Variants in ARHGEF3 observed in about 807,000 individuals in gnomAD.
ARHGEF3 encodes Rho guanine nucleotide exchange factor 3, also known as 59.8 kDA protein.
Under a neutral mutation model 63.2 loss-of-function variants are expected in ARHGEF3, and 28 were observed. The ratio of observed to expected loss-of-function variants is 0.44; its 90% confidence interval spans 0.33 to 0.61. The LOEUF (loss-of-function observed/expected upper bound fraction) is 0.61. ARHGEF3 is among the 20% of genes least tolerant of loss of function. ARHGEF3 has a pLI of 0.03. For missense variants in ARHGEF3, 533 were observed against 659.3 expected (o/e 0.81, Z 2.10); for synonymous variants, 266 against 254.2 (o/e 1.05, Z -0.44).
chr3:56,967,209 C>A (rs1323038233), intron 2 of ARHGEF3, among the ~76,000 whole-genome samples: 1 of 138,582 alleles, frequency 7.2e-6, no homozygotes, highest in African/African-American at 2.7e-5. Context: ...ATCATGTGAA[C>A]CACATATGTA....
intron 4 of ARHGEF3, among the ~76,000 whole-genome samples, chr3:56,825,951 CTTCCTTCTAGTAACTGGTTCAG>C (rs1418348715): frequency 2.0e-5 from 3 of 152,182 alleles, no homozygotes; most frequent in Admixed American, 6.6e-5. Context: ...ATCAGCAACC[CTTCCTTCTAGTAACTGGTTCAG>C]TTCCTTCTAG....
chr3:57,002,479 T>TTCTAAGCAC (rs1702250705), intron 2 of ARHGEF3, among the ~76,000 whole-genome samples: 2 of 39,466 alleles, frequency 5.1e-5, no homozygotes, highest in South Asian at 1.6e-3. Flanking sequence ...TATATATATG[T>TTCTAAGCAC]TATATATATA....
At chr3:56,872,801 C>A (rs1369491596) in intron 4 of ARHGEF3, among the ~76,000 whole-genome samples, 1 of 152,184 alleles carries the variant, frequency 6.6e-6, no homozygotes, top group East Asian at 1.9e-4. Flanking sequence ...AGCCACTGTG[C>A]CTGGCCTCAT....
intron 2 of ARHGEF3, among the ~76,000 whole-genome samples, chr3:57,033,113 G>A (rs1283113320): frequency 1.3e-5 from 2 of 152,176 alleles, no homozygotes; most frequent in African/African-American, 4.8e-5. Context: ...AAGATCTGAG[G>A]CATGGCAAGA....
In ARHGEF3 at chr3:56,751,285, G is replaced by T. The variant is rs947466292; in HGVS notation, c.535+15C>A. On this transcript the variant is annotated intron_variant, in intron 5 of 9. Transcript: ENST00000296315. ...AGGCTACAAGTCACGACTCATCCTG[G>T]GAACAAAATTATACCTTCATGTAGA... 1 of 1,602,322 alleles carries T rather than the reference G, an allele frequency of 6.2e-7. No individual in the cohort carries two copies. Among genetic ancestry groups the T allele is most frequent in the Non-Finnish European group, 8.6e-7 (1 of 1,169,444 alleles).
intron 4 of ARHGEF3, among the ~76,000 whole-genome samples, chr3:56,831,636 T>C (rs1040060345): frequency 3.9e-5 from 6 of 152,252 alleles, no homozygotes; most frequent in Non-Finnish European, 8.8e-5. Context: ...GCATCTACAC[T>C]AGACCACTGG....
chr3:56,896,200 G>A (rs1448943717), intron 3 of ARHGEF3, among the ~76,000 whole-genome samples: 1 of 152,200 alleles, frequency 6.6e-6, no homozygotes, highest in Non-Finnish European at 1.5e-5. Context: ...TAGAAGGTTT[G>A]CAAGTCCAGA....
intron 1 of ARHGEF3, chr3:57,074,441 A>G (rs1560181130): frequency 6.5e-6 from 4 of 616,254 alleles, no homozygotes; most frequent in South Asian, 4.1e-5. Context: ...CACTTCCCCA[A>G]TATCACAGAT....
intron 4 of ARHGEF3, among the ~76,000 whole-genome samples, chr3:56,881,308 C>G (rs555308860): frequency 2.0e-5 from 3 of 152,276 alleles, no homozygotes; most frequent in Admixed American, 6.5e-5. Context: ...TTCATGGTCT[C>G]CACAGAGGAG....
intron 6 of ARHGEF3, among the ~76,000 whole-genome samples, chr3:56,747,440 G>C (rs144002686): frequency 0.01 from 1,547 of 152,250 alleles, 102 homozygotes; most frequent in Admixed American, 0.092. Flanking sequence ...TCACCGGCTA[G>C]GAGAGGCCCC....
At chr3:56,736,062 AC>A (rs1192376380) in intron 8 of ARHGEF3, among the ~76,000 whole-genome samples, 1 of 109,010 alleles carries the variant, frequency 9.2e-6, no homozygotes, top group Admixed American at 8.5e-5. Context: ...ACACACACAC[AC>A]ACACACACAC....
At chr3:56,833,914 GTT>G (rs199540364) in intron 4 of ARHGEF3, among the ~76,000 whole-genome samples, 3 of 125,130 alleles carry the variant, frequency 2.4e-5, no homozygotes, top group African/African-American at 8.9e-5. Context: ...AATATTCTTT[GTT>G]TTCCCCCCCC....
intron 3 of ARHGEF3, among the ~76,000 whole-genome samples, chr3:56,931,574 TCAAAAAAAAAAAA>T (rs2042412117): frequency 4.3e-5 from 1 of 23,326 alleles, no homozygotes; most frequent in African/African-American, 1.7e-4. Flanking sequence ...AGATCCTGTC[TCAAAAAAAAAAAA>T]AAAAAAAAAA....
intron 2 of ARHGEF3, chr3:57,007,287 AGTT>A (rs1398310079): frequency 7.8e-7 from 1 of 1,289,682 alleles, no homozygotes; most frequent in Non-Finnish European, 1.0e-6. Context: ...CTGAAAAACC[AGTT>A]GTTCCTGCCA....
chr3:56,853,926 T>C (rs1205501163), intron 4 of ARHGEF3, among the ~76,000 whole-genome samples: 1 of 152,174 alleles, frequency 6.6e-6, no homozygotes, highest in Non-Finnish European at 1.5e-5. Flanking sequence ...CCAGGCGTAG[T>C]GGCTCACGCC....
At chr3:56,936,372 C>G (rs1698904722) in intron 3 of ARHGEF3, among the ~76,000 whole-genome samples, 1 of 152,174 alleles carries the variant, frequency 6.6e-6, no homozygotes, top group Non-Finnish European at 1.5e-5. Flanking sequence ...AAGCCATTTT[C>G]TTGAGGTAAT....
At chr3:56,768,341 G>A (rs1292423735) in intron 2 of ARHGEF3, among the ~76,000 whole-genome samples, 1 of 151,958 alleles carries the variant, frequency 6.6e-6, no homozygotes, top group Non-Finnish European at 1.5e-5. Context: ...TTACAGGTGT[G>A]AGCCACTACA....
At chr3:56,785,670 G>C (rs1480351132) in intron 1 of ARHGEF3, among the ~76,000 whole-genome samples, 1 of 152,188 alleles carries the variant, frequency 6.6e-6, no homozygotes, top group Non-Finnish European at 1.5e-5. Flanking sequence ...AAAAGAAGTA[G>C]GGAGATGAAA....
intron 4 of ARHGEF3, among the ~76,000 whole-genome samples, chr3:56,836,369 G>A (rs2039106980): frequency 6.6e-6 from 1 of 152,124 alleles, no homozygotes; most frequent in Admixed American, 6.5e-5. Flanking sequence ...TATAGTTGGG[G>A]AAACAATTTA....
Sources: allele counts gnomAD v4.1 joint callset (sites outside exome capture counted in the v4.1 genomes callset), GRCh38; gene constraint gnomAD v4.1.1; transcripts MANE v1.5; gene names NCBI Gene and HGNC (gene_info 2026-07-23, HGNC 2026-07-21).